SLC38A6: variants seen among roughly 807,000 people sequenced by gnomAD.
SLC38A6 encodes the protein N system amino acid transporter NAT-1.
A neutral mutation model predicts 65.0 loss-of-function variants in SLC38A6; 73 were observed. The observed-to-expected ratio is 1.12, with a 90% CI of 0.93 to 1.37. SLC38A6 has a LOEUF of 1.37. Ranked by LOEUF, SLC38A6 falls within the 40% of genes most tolerant of loss-of-function variation. SLC38A6 has a pLI of 0.00. For missense variants in SLC38A6, 561 were observed against 531.1 expected (o/e 1.06, Z -0.55); for synonymous variants, 183 against 178.8 (o/e 1.02, Z -0.19).
chr14:61,048,380 T>G (rs530065763), intron 12 of SLC38A6: 199 of 304,558 alleles, frequency 6.5e-4, no homozygotes, highest in Admixed American at 1.5e-3. Flanking sequence ...TTTGACAATG[T>G]GTATTAAACA....
intron 8 of SLC38A6, among the ~76,000 whole-genome samples, chr14:61,039,333 T>A (rs1338696516): frequency 6.6e-6 from 1 of 152,152 alleles, no homozygotes; most frequent in Non-Finnish European, 1.5e-5. Context: ...TATGCTTTTT[T>A]AAATACTCTT....
chr14:61,026,305 T>C (rs2040607969), intron 5 of SLC38A6, among the ~76,000 whole-genome samples: 2 of 152,112 alleles, frequency 1.3e-5, no homozygotes, highest in Non-Finnish European at 1.5e-5. Flanking sequence ...TACGTGAGAA[T>C]AGGAAACTTC....
intron 6 of SLC38A6, among the ~76,000 whole-genome samples, chr14:61,032,881 A>C (rs1189067818): frequency 6.6e-6 from 1 of 151,936 alleles, no homozygotes; most frequent in African/African-American, 2.4e-5. Context: ...ATAAATTTTA[A>C]TTAAGATCTT....
chr14:60,982,533 G>A lies in SLC38A6; in HGVS notation c.131G>A (p.Gly44Asp). Residue 44 changes from glycine (G) to aspartate (D), a missense_variant, in exon 2 of 16, where the codon GGT becomes GAT. Gly to Asp is a moderately conservative substitution (Grantham distance 94, BLOSUM62 -1). Transcript: ENST00000267488. Reference sequence around the variant, plus strand: ...GAACTTCACAGACAGCGATCCCCAGGTGTTTCATTTGGTTTATCAGTGTTT... The same window carrying A: ...GAACTTCACAGACAGCGATCCCCAGATGTTTCATTTGGTTTATCAGTGTTT... Reference protein sequence around the residue: ...SNELHRQRSPGVSFGLSVFNL... With the variant: ...SNELHRQRSPDVSFGLSVFNL... The A allele has an allele frequency of 6.2e-7, 1 of 1,613,024 alleles. No homozygotes were observed.
chr14:60,992,011 G>A (rs539294630), intron 3 of SLC38A6, among the ~76,000 whole-genome samples: 24 of 152,312 alleles, frequency 1.6e-4, no homozygotes, highest in Admixed American at 3.9e-4. Flanking sequence ...TTTATTAAAG[G>A]TGGCAATGAG....
Position 61,043,090 on chromosome 14 carries a change from G to T in SLC38A6, c.625-57G>T, listed in dbSNP as rs556321943. On this transcript the variant is annotated intron_variant, in intron 8 of 15. Transcript: ENST00000267488. ...AATGATACTGACCTATTTCAATTCA[G>T]TTTCTTATTAATTTTATAAGAAATG... 5.1e-5 allele frequency: 56 copies of T among 1,104,140 alleles called. 3 individuals carry two copies. In the South Asian group the frequency reaches 5.7e-4, roughly 11 times the overall value. 68.4% of individuals were successfully genotyped at this position (1,104,140 alleles called of 1,614,324 possible). A position where few individuals can be genotyped will look rare whatever the true frequency, so the allele number is the denominator to read the frequency against.
intron 15 of SLC38A6, among the ~76,000 whole-genome samples, chr14:61,076,301 A>C (rs548953910): frequency 8.2e-4 from 125 of 152,340 alleles, no homozygotes; most frequent in African/African-American, 2.9e-3. Flanking sequence ...CTAAAATCTG[A>C]AAAAGTTTCA....
chr14:61,045,761 C>T (rs2042103576), intron 11 of SLC38A6, among the ~76,000 whole-genome samples: 1 of 151,974 alleles, frequency 6.6e-6, no homozygotes, highest in African/African-American at 2.4e-5. Context: ...TGGCGGGCAC[C>T]TGTAATCCCA....
chr14:61,061,913 C>T (rs554888193), intron 15 of SLC38A6, among the ~76,000 whole-genome samples: 94 of 151,732 alleles, frequency 6.2e-4, no homozygotes, highest in Non-Finnish European at 1.0e-3. Context: ...TCTCGGCTCA[C>T]TGTAGCCTCC....
intron 3 of SLC38A6, chr14:60,987,115 C>T (rs748678420): frequency 1.4e-5 from 5 of 370,090 alleles, no homozygotes; most frequent in African/African-American, 2.2e-5. Context: ...ACCTGTCTTC[C>T]GTTGATTGAA....
rs532153882 is a variant in SLC38A6, at chr14:61,047,188, C to G, written c.925+1021C>G. ...CCAAAAAAACTGACCTCCTTCTTCT[C>G]CCTATGGATAAATAGAACTATCTGG... On this transcript the variant is annotated intron_variant, in intron 12 of 15. Transcript: ENST00000267488. Among the ~76,000 whole-genome samples the G allele has an allele frequency of 1.2e-3, 179 of 152,228 alleles. 1 individual carries two copies. The highest frequency in any genetic ancestry group is 4.2e-3 in the African/African-American group (174 of 41,558).
At chr14:61,009,532 C>G (rs569487870) in intron 3 of SLC38A6, among the ~76,000 whole-genome samples, 7 of 151,572 alleles carry the variant, frequency 4.6e-5, no homozygotes, top group Non-Finnish European at 1.0e-4. Context: ...TGCTATCCCT[C>G]CCCCTCCCCC....
At chr14:61,083,655 C>T in exon 17 of SLC38A6, 1 of 1,550,264 alleles carries the variant, frequency 6.5e-7, no homozygotes, top group Non-Finnish European at 8.7e-7. Context: ...TCAGGAGAAC[C>T]AAACGTGTCC....
At chr14:60,999,035 G>C (rs567806585) in intron 3 of SLC38A6, among the ~76,000 whole-genome samples, 2 of 152,318 alleles carry the variant, frequency 1.3e-5, no homozygotes, top group African/African-American at 4.8e-5. Context: ...ACTACCTATT[G>C]TATTCAAAGT....
At chr14:61,032,244 G>A in intron 6 of SLC38A6, among the ~76,000 whole-genome samples, 1 of 151,734 alleles carries the variant, frequency 6.6e-6, no homozygotes, top group South Asian at 2.1e-4. Flanking sequence ...CCTGAATTTG[G>A]TGGCTCCTAT....
intron 2 of SLC38A6, 90 bp downstream of exon 2, chr14:60,982,728 T>G: frequency 1.5e-6 from 2 of 1,370,624 alleles, no homozygotes; most frequent in Non-Finnish European, 2.0e-6. Context: ...GCTGCTATTA[T>G]ACAATTTCTA....
At position 61,015,901 on chromosome 14, in the gene SLC38A6, C is replaced by T; in HGVS notation, c.311-3C>T. On this transcript the variant is annotated splice_region_variant and splice_polypyrimidine_tract_variant and intron_variant, in intron 3 of 15. Coordinates refer to ENST00000267488, the MANE Select transcript of SLC38A6 (RefSeq NM_153811.3). Reference sequence around the variant, plus strand: ...AAGTGAACATTGTAATTTCTCTTAACAGCTGTAACATCTTATGAAGATCTT... The same window carrying T: ...AAGTGAACATTGTAATTTCTCTTAATAGCTGTAACATCTTATGAAGATCTT... 4.4e-6 allele frequency: 7 copies of T among 1,600,898 alleles called. No individual in the cohort carries two copies. Among genetic ancestry groups the T allele is most frequent in the South Asian group, 2.3e-5 (2 of 87,826 alleles).
chr14:61,002,594 T>C (rs2038787035), intron 3 of SLC38A6, among the ~76,000 whole-genome samples: 1 of 152,176 alleles, frequency 6.6e-6, no homozygotes, highest in African/African-American at 2.4e-5. Context: ...GCTGGAAATA[T>C]TCCACTATTT....
intron 3 of SLC38A6, among the ~76,000 whole-genome samples, chr14:60,995,601 C>T (rs922615800): frequency 2.0e-5 from 3 of 149,826 alleles, no homozygotes; most frequent in Non-Finnish European, 3.0e-5. Flanking sequence ...GCTTTTACCA[C>T]AAGGAAGGAA....
Sources: allele counts gnomAD v4.1 joint callset (sites outside exome capture counted in the v4.1 genomes callset), GRCh38; gene constraint gnomAD v4.1.1; transcripts MANE v1.5; gene names NCBI Gene and HGNC (gene_info 2026-07-23, HGNC 2026-07-21).